Variants in DDAH1 observed in about 807,000 individuals in gnomAD.
The protein encoded by DDAH1 is N(G),N(G)-dimethylarginine dimethylaminohydrolase 1.
Under a neutral mutation model 28.8 loss-of-function variants are expected in DDAH1, and 19 were observed. The observed-to-expected ratio is 0.66, with a 90% CI of 0.46 to 0.97. The LOEUF is 0.97. DDAH1 is among the 50% of genes least tolerant of loss of function. The pLI is 0.00. For missense variants in DDAH1, 326 were observed against 375.9 expected (o/e 0.87, Z 1.10); for synonymous variants, 153 against 154.4 (o/e 0.99, Z 0.07).
chr1:85,555,687 A>C (rs993856442), intron 1 of DDAH1, among the ~76,000 whole-genome samples: 1 of 152,200 alleles, frequency 6.6e-6, no homozygotes, highest in Non-Finnish European at 1.5e-5. Context: ...ACAAAAACTC[A>C]GTGCTTGGCT....
chr1:85,480,339 T>C (rs1557677306), intron 2 of DDAH1, among the ~76,000 whole-genome samples: 2 of 152,184 alleles, frequency 1.3e-5, no homozygotes, highest in South Asian at 4.1e-4. Context: ...CAGGATAGGA[T>C]CTCAGATGAA....
At chr1:85,524,927 G>A (rs620358) in intron 1 of DDAH1, among the ~76,000 whole-genome samples, 13,221 of 44,034 alleles carry the variant, frequency 0.3, 3,063 homozygotes, top group Non-Finnish European at 0.4. Context: ...CAGATGGGGG[G>A]AAGTTGTCAG....
At chr1:85,484,637 G>T (rs17127802) in intron 2 of DDAH1, among the ~76,000 whole-genome samples, 1 of 152,036 alleles carries the variant, frequency 6.6e-6, no homozygotes, top group Non-Finnish European at 1.5e-5. Flanking sequence ...ATAGAAAAAG[G>T]AATTTCTCCA....
chr1:85,371,668 C>A (rs1174994218), intron 1 of DDAH1, among the ~76,000 whole-genome samples: 1 of 152,148 alleles, frequency 6.6e-6, no homozygotes, highest in Non-Finnish European at 1.5e-5. Context: ...CATTTCAGAT[C>A]AGTCAGTCCA....
chr1:85,356,698 T>C (rs1266582171), intron 2 of DDAH1, among the ~76,000 whole-genome samples: 1 of 152,168 alleles, frequency 6.6e-6, no homozygotes, highest in African/African-American at 2.4e-5. Flanking sequence ...TATTAACACA[T>C]TAACTTAAGT....
intron 1 of DDAH1, among the ~76,000 whole-genome samples, chr1:85,546,071 A>T (rs1289160959): frequency 1.3e-5 from 2 of 152,012 alleles, no homozygotes; most frequent in African/African-American, 2.4e-5. Flanking sequence ...AATATCTAAA[A>T]CAAAGTAAAT....
rs1658234028 is a variant in DDAH1, at chr1:85,535,223, C to A, written c.-122-38942G>T. ...TATACGTGGGGCATAAAATAAAACACTTTGGCTTTCTTTCACCTTTGGGCA... is the reference window on the plus strand; with the variant it reads ...TATACGTGGGGCATAAAATAAAACAATTTGGCTTTCTTTCACCTTTGGGCA... On this transcript the variant is annotated intron_variant, in intron 1 of 6. Coordinates refer to the DDAH1 transcript ENST00000426972. Among the ~76,000 whole-genome samples, 3 of 152,128 alleles carry A rather than the reference C, an allele frequency of 2.0e-5. No homozygotes were observed. The South Asian group carries it at 6.2e-4, about 32-fold the overall frequency.
intron 1 of DDAH1, among the ~76,000 whole-genome samples, chr1:85,496,461 T>C (rs977369046): frequency 1.3e-5 from 2 of 152,212 alleles, no homozygotes; most frequent in African/African-American, 4.8e-5. Flanking sequence ...CACAACTGAG[T>C]AAGTAATATT....
chr1:85,335,886 T>C (rs1279949876), intron 4 of DDAH1, among the ~76,000 whole-genome samples: 2 of 151,944 alleles, frequency 1.3e-5, no homozygotes, highest in Non-Finnish European at 2.9e-5. Flanking sequence ...GGCTTAAGCC[T>C]GGGAGGCAGA....
chr1:85,547,673 T>C (rs145616941), intron 1 of DDAH1, among the ~76,000 whole-genome samples: 3,400 of 152,326 alleles, frequency 0.022, 82 homozygotes, highest in Non-Finnish European at 0.025. Flanking sequence ...AGATGTCTAC[T>C]CAAATACTGG....
At chr1:85,523,103 G>T (rs1398406074) in intron 1 of DDAH1, among the ~76,000 whole-genome samples, 5 of 151,668 alleles carry the variant, frequency 3.3e-5, no homozygotes, top group Admixed American at 6.6e-5. Flanking sequence ...GTCTGAGATG[G>T]TCAGAGGCCA....
chr1:85,474,883 G>A (rs1207090036), intron 2 of DDAH1, among the ~76,000 whole-genome samples: 1 of 152,174 alleles, frequency 6.6e-6, no homozygotes, highest in Non-Finnish European at 1.5e-5. Context: ...TGCTATGGGA[G>A]AGTGGAGGGT....
intron 4 of DDAH1, among the ~76,000 whole-genome samples, chr1:85,329,908 A>G (rs775115603): frequency 3.3e-5 from 5 of 152,262 alleles, no homozygotes; most frequent in Non-Finnish European, 7.3e-5. Flanking sequence ...GTAACTGTAG[A>G]TAACAAACAA....
chr1:85,354,460 C>T (rs1324816970), intron 2 of DDAH1, among the ~76,000 whole-genome samples: 4 of 152,020 alleles, frequency 2.6e-5, no homozygotes, highest in Non-Finnish European at 4.4e-5. Flanking sequence ...TTGATCATTG[C>T]ACAGATCCAT....
At chr1:85,367,459 A>T (rs905107238) in intron 1 of DDAH1, among the ~76,000 whole-genome samples, 1 of 152,212 alleles carries the variant, frequency 6.6e-6, no homozygotes, top group Non-Finnish European at 1.5e-5. Flanking sequence ...AATCAGTATC[A>T]ACAAGGTTTG....
intron 1 of DDAH1, among the ~76,000 whole-genome samples, chr1:85,405,434 G>T (rs1239464408): frequency 6.6e-6 from 1 of 152,162 alleles, no homozygotes; most frequent in African/African-American, 2.4e-5. Flanking sequence ...CACGGAGATG[G>T]TTCCTTTAAA....
intron 1 of DDAH1, among the ~76,000 whole-genome samples, chr1:85,442,887 T>C (rs1281864472): frequency 6.6e-6 from 1 of 152,234 alleles, no homozygotes; most frequent in Non-Finnish European, 1.5e-5. Flanking sequence ...ATTTTTTTCT[T>C]GTAAATTTGT....
intron 4 of DDAH1, among the ~76,000 whole-genome samples, chr1:85,343,772 T>TA (rs1346919554): frequency 1.3e-5 from 2 of 152,212 alleles, no homozygotes; most frequent in African/African-American, 4.8e-5. Flanking sequence ...AAAAAGCATA[T>TA]AAAATCCAAA....
At chr1:85,348,874 C>T (rs1649024699) in intron 4 of DDAH1, among the ~76,000 whole-genome samples, 1 of 152,136 alleles carries the variant, frequency 6.6e-6, no homozygotes, top group African/African-American at 2.4e-5. Context: ...ACCTGATCTA[C>T]CCAGAATGGC....
Sources: gnomAD v4.1 joint callset for allele counts (sites outside exome capture counted in the v4.1 genomes callset) on GRCh38, gnomAD v4.1.1 for gene constraint, MANE v1.5 for transcripts, NCBI Gene and HGNC (gene_info 2026-07-23, HGNC 2026-07-21) for gene names.